IGF1R: variants seen among roughly 807,000 people sequenced by gnomAD.
IGF1R encodes the protein insulin like growth factor 1 receptor, also known as insulin-like growth factor 1 receptor.
In IGF1R, 44 loss-of-function variants were observed where a neutral mutation model predicts 144.6. The observed-to-expected ratio is 0.30, with a 90% CI of 0.24 to 0.39. IGF1R has a LOEUF of 0.39. Ranked by LOEUF, IGF1R falls within the 10% of genes least tolerant of loss-of-function variation. The pLI, the probability that IGF1R is intolerant of heterozygous loss-of-function variation, is 1.00. For missense variants in IGF1R, 1,355 were observed against 1,833.7 expected, an observed-to-expected ratio of 0.74 and a Z score of 4.77; for synonymous variants, 795 against 722.8, an observed-to-expected ratio of 1.10 and a Z score of -1.60.
In IGF1R at chr15:98,802,579, G is replaced by A. The variant is rs139492140; in HGVS notation, c.641-88746G>A. The stretch of plus-strand genomic sequence containing the variant: ...GTACAGGATTTGAACTTAACTCTGC[G>A]AAAGACAGGGGTTGCTTGTATGCAC... On this transcript the variant is annotated intron_variant, in intron 2 of 20. Transcript: ENST00000650285. 1.4e-4 allele frequency among the ~76,000 whole-genome samples: 21 copies of A among 152,340 alleles called. No individual in the cohort carries two copies. In the East Asian group the frequency reaches 3.3e-3, roughly 24 times the overall value.
chr15:98,943,340 C>T (rs545678581), intron 19 of IGF1R, among the ~76,000 whole-genome samples: 29 of 152,180 alleles, frequency 1.9e-4, no homozygotes, highest in Non-Finnish European at 3.8e-4. Flanking sequence ...TGCCAGAAGC[C>T]GTCACCTCTT....
intron 2 of IGF1R, among the ~76,000 whole-genome samples, chr15:98,735,096 A>G (rs896058953): frequency 8.5e-5 from 13 of 152,202 alleles, no homozygotes; most frequent in Non-Finnish European, 1.9e-4. Context: ...AAGCTGGGGA[A>G]GGTGGAAGTG....
intron 1 of IGF1R, among the ~76,000 whole-genome samples, chr15:98,659,300 G>T (rs945104326): frequency 6.6e-6 from 1 of 152,026 alleles, no homozygotes; most frequent in East Asian, 1.9e-4. Context: ...TCAGAGATCT[G>T]TTTATTACAC....
intron 2 of IGF1R, among the ~76,000 whole-genome samples, chr15:98,736,180 TGTTA>T (rs1215214705): frequency 6.6e-6 from 1 of 152,226 alleles, no homozygotes; most frequent in African/African-American, 2.4e-5. Context: ...ATCCATATCC[TGTTA>T]GTTCACTTTG....
intron 2 of IGF1R, among the ~76,000 whole-genome samples, chr15:98,845,686 G>A (rs2141543585): frequency 6.6e-6 from 1 of 152,012 alleles, no homozygotes; most frequent in Non-Finnish European, 1.5e-5. Context: ...TACTGCATCT[G>A]AATCATCACT....
chr15:98,760,141 A>G (rs1307595205), intron 2 of IGF1R, among the ~76,000 whole-genome samples: 5 of 151,788 alleles, frequency 3.3e-5, no homozygotes, highest in African/African-American at 1.2e-4. Flanking sequence ...GGAATTTGAG[A>G]CCATCCTGGC....
At chr15:98,938,195 G>A (rs539005989) in intron 17 of IGF1R, among the ~76,000 whole-genome samples, 14 of 152,304 alleles carry the variant, frequency 9.2e-5, no homozygotes, top group African/African-American at 2.4e-4. Flanking sequence ...TCATCTTCTC[G>A]TCAGTGAAAC....
chr15:98,659,310 C>T (rs1485239987), intron 1 of IGF1R, among the ~76,000 whole-genome samples: 1 of 152,054 alleles, frequency 6.6e-6, no homozygotes, highest in Non-Finnish European at 1.5e-5. Flanking sequence ...GTTTATTACA[C>T]TTTCTCCCTT....
At chr15:98,754,227 G>C (rs545564917) in intron 2 of IGF1R, among the ~76,000 whole-genome samples, 2 of 152,182 alleles carry the variant, frequency 1.3e-5, no homozygotes, top group Admixed American at 1.3e-4. Context: ...TTAATCCAGG[G>C]AGCTAGGCTG....
rs544674838 is a variant in IGF1R at position 98,649,525 on chromosome 15, CTTTTTT to C, written c.-38_-33del. 3.8e-3 allele frequency: 2,756 copies of C among 724,130 alleles called. 9 individuals carry two copies. The highest frequency in any genetic ancestry group is 0.011 in the African/African-American group (515 of 47,516). The allele number at this position is 724,130 out of a possible 1,614,324, so 44.9% of individuals were successfully genotyped here. A position where few individuals can be genotyped will look rare whatever the true frequency, so the allele number is the denominator to read the frequency against. ...TCATTTCCTTTTTTTCTTTTCTTTT[CTTTTTT>C]TTTTTTTTTTTTTTTTTTGAGAAAG... On this transcript the variant is annotated 5_prime_UTR_variant, in exon 1 of 21. Coordinates refer to ENST00000650285, the MANE Select transcript of IGF1R (RefSeq NM_000875.5).
intron 1 of IGF1R, among the ~76,000 whole-genome samples, chr15:98,691,518 C>T (rs2053477131): frequency 6.6e-6 from 1 of 152,070 alleles, no homozygotes; most frequent in South Asian, 2.1e-4. Flanking sequence ...TGCCTGCCAC[C>T]ACACCCAACT....
intron 2 of IGF1R, among the ~76,000 whole-genome samples, chr15:98,792,024 T>C (rs1462758337): frequency 6.6e-6 from 1 of 152,232 alleles, no homozygotes; most frequent in African/African-American, 2.4e-5. Context: ...TCTCCCTGTT[T>C]GTGGGGCCCA....
At chr15:98,655,727 CTT>C (rs534783117) in intron 1 of IGF1R, among the ~76,000 whole-genome samples, 7 of 141,390 alleles carry the variant, frequency 5.0e-5, no homozygotes, top group Non-Finnish European at 3.1e-5. Flanking sequence ...ATTTTTTTTT[CTT>C]TTTTTTTTTT....
chr15:98,921,811 G>T (rs531966949), intron 10 of IGF1R, among the ~76,000 whole-genome samples: 1 of 152,226 alleles, frequency 6.6e-6, no homozygotes, highest in African/African-American at 2.4e-5. Flanking sequence ...TAACCATAAG[G>T]TCTGTGACCA....
chr15:98,857,139 T>C (rs2011865691), intron 2 of IGF1R, among the ~76,000 whole-genome samples: 2 of 152,176 alleles, frequency 1.3e-5, no homozygotes, highest in Admixed American at 6.5e-5. Context: ...TTGTGTGCAG[T>C]TGGAAAGCTG....
intron 2 of IGF1R, among the ~76,000 whole-genome samples, chr15:98,741,342 A>G (rs1388317761): frequency 1.4e-5 from 2 of 145,862 alleles, no homozygotes; most frequent in Non-Finnish European, 3.0e-5. Flanking sequence ...GATGCTACGT[A>G]TAGAAGTGGC....
chr15:98,817,818 C>A (rs1022352887), intron 2 of IGF1R, among the ~76,000 whole-genome samples: 5 of 152,178 alleles, frequency 3.3e-5, no homozygotes, highest in African/African-American at 1.2e-4. Flanking sequence ...CCTTTCACAC[C>A]AGACATTTCG....
intron 2 of IGF1R, among the ~76,000 whole-genome samples, chr15:98,819,956 A>G (rs555421463): frequency 6.6e-6 from 1 of 152,338 alleles, no homozygotes; most frequent in South Asian, 2.1e-4. Context: ...TCATGAGACA[A>G]TAAGAGTTAA....
rs2017222205 is a variant in IGF1R, at chr15:98,961,444, T to G, written c.*4002T>G. On this transcript the variant is annotated 3_prime_UTR_variant, in exon 21 of 21. Transcript: ENST00000650285. The stretch of plus-strand genomic sequence containing the variant: ...TGGCTTGTGTGATGGTGCAGTCACT[T>G]TACTGGACCAACCCACCCACCTTGA... 3 of 233,326 alleles carry G rather than the reference T, an allele frequency of 1.3e-5. No homozygotes were observed. The highest frequency in any genetic ancestry group is 1.7e-5 in the Non-Finnish European group (2 of 118,022). The allele number at this position is 233,326 out of a possible 1,614,324, so 14.5% of individuals were successfully genotyped here.
Sources: allele counts gnomAD v4.1 joint callset (sites outside exome capture counted in the v4.1 genomes callset), GRCh38; gene constraint gnomAD v4.1.1; transcripts MANE v1.5; gene names NCBI Gene and HGNC (gene_info 2026-07-23, HGNC 2026-07-21).